Variants in GRIK2 observed in about 807,000 individuals in gnomAD.
The protein encoded by GRIK2 is glutamate receptor ionotropic, kainate 2.
A neutral mutation model predicts 100.3 loss-of-function variants in GRIK2; 32 were observed. The observed-to-expected ratio is 0.32, with a 90% CI of 0.24 to 0.43. GRIK2 has a LOEUF of 0.43. Ranked by LOEUF, GRIK2 falls within the 20% of genes least tolerant of loss-of-function variation. The pLI is 1.00. For missense variants in GRIK2, 843 were observed against 1,114.9 expected (o/e 0.76, Z 3.47); for synonymous variants, 417 against 389.4 (o/e 1.07, Z -0.83).
intron 2 of GRIK2, among the ~76,000 whole-genome samples, chr6:101,455,969 C>G (rs954181401): frequency 2.0e-5 from 3 of 151,696 alleles, no homozygotes; most frequent in Non-Finnish European, 4.4e-5. Flanking sequence ...GTAGTTTTTC[C>G]AGAATTGAGA....
At chr6:101,917,232 T>C (rs1386496987) in intron 12 of GRIK2, among the ~76,000 whole-genome samples, 1 of 151,648 alleles carries the variant, frequency 6.6e-6, no homozygotes, top group Non-Finnish European at 1.5e-5. Context: ...CTAAAAATAC[T>C]CTCTCATTTC....
At position 101,520,550 on chromosome 6, in the gene GRIK2, T is replaced by C. The variant is rs1349843219; in HGVS notation, c.116-101399T>C. ...TAAGGAATAGAGAACAATCAAAACA[T>C]TGGTTGTTTTATGTTTTTAAAGCTC... On this transcript the variant is annotated intron_variant, in intron 2 of 16. Transcript: ENST00000369134. Among the ~76,000 whole-genome samples the C allele has an allele frequency of 5.9e-5, 9 of 151,988 alleles. No homozygotes were observed. In the East Asian group the frequency reaches 1.5e-3, roughly 26 times the overall value.
Position 101,889,868 on chromosome 6 carries a change from C to T in GRIK2, c.1748+5C>T, listed in dbSNP as rs745911110. The T allele has an allele frequency of 1.9e-6, 3 of 1,570,958 alleles. No individual in the cohort carries two copies. The highest frequency in any genetic ancestry group is 1.8e-6 in the Non-Finnish European group (2 of 1,141,388). On this transcript the variant is annotated splice_donor_5th_base_variant and intron_variant, in intron 12 of 16. Transcript: ENST00000369134. ...TGTGCTCTTTGTCATAGCCAGGTAA[C>T]ATGCTCACTTTTGTGATTTTTTTGG...
At chr6:101,836,951 A>T (rs1783165564) in intron 10 of GRIK2, among the ~76,000 whole-genome samples, 1 of 151,990 alleles carries the variant, frequency 6.6e-6, no homozygotes, top group Non-Finnish European at 1.5e-5. Context: ...GGTGTGAGCC[A>T]CCATGCCTGG....
Position 101,764,983 on chromosome 6 carries a change from A to G in GRIK2, c.952-34665A>G, listed in dbSNP as rs190766543. 5.9e-5 allele frequency among the ~76,000 whole-genome samples: 9 copies of G among 151,956 alleles called. No individual in the cohort carries two copies. In the South Asian group the frequency reaches 1.9e-3, roughly 32 times the overall value. On this transcript the variant is annotated intron_variant, in intron 7 of 16. Coordinates refer to ENST00000369134, the MANE Select transcript of GRIK2 (RefSeq NM_021956.5). ...CCTCATCCATTATCACTGCAAATCCACACCTTCACTGGTGCTTCATCTATG... is the reference window on the plus strand; with the variant it reads ...CCTCATCCATTATCACTGCAAATCCGCACCTTCACTGGTGCTTCATCTATG...
intron 14 of GRIK2, among the ~76,000 whole-genome samples, chr6:102,004,266 C>T (rs953495395): frequency 6.8e-6 from 1 of 146,890 alleles, no homozygotes. Flanking sequence ...CTTATATATC[C>T]ATTTTTTTTC....
At chr6:101,500,636 G>T (rs567518877) in intron 2 of GRIK2, among the ~76,000 whole-genome samples, 1 of 152,106 alleles carries the variant, frequency 6.6e-6, no homozygotes, top group African/African-American at 2.4e-5. Flanking sequence ...TTTCTTGGTA[G>T]TACCCTTGTC....
chr6:101,659,835 A>T (rs1478457792), intron 4 of GRIK2, among the ~76,000 whole-genome samples: 1 of 152,194 alleles, frequency 6.6e-6, no homozygotes, highest in Non-Finnish European at 1.5e-5. Context: ...CTGAAGAGAG[A>T]TACACTGTTA....
At chr6:101,809,931 A>T (rs1239237992) in intron 9 of GRIK2, among the ~76,000 whole-genome samples, 1 of 152,006 alleles carries the variant, frequency 6.6e-6, no homozygotes, top group Non-Finnish European at 1.5e-5. Flanking sequence ...ACTATTTATG[A>T]ATGATGTTTA....
chr6:102,021,543 T>C (rs1457080429), intron 14 of GRIK2, among the ~76,000 whole-genome samples: 2 of 151,672 alleles, frequency 1.3e-5, no homozygotes, highest in African/African-American at 4.8e-5. Flanking sequence ...GTTTGCTAAT[T>C]AATATTTGAA....
intron 7 of GRIK2, among the ~76,000 whole-genome samples, chr6:101,742,204 G>A (rs545216628): frequency 6.6e-6 from 1 of 152,340 alleles, no homozygotes; most frequent in South Asian, 2.1e-4. Context: ...GGCCTGGTGT[G>A]CCTGTTACGC....
intron 14 of GRIK2, among the ~76,000 whole-genome samples, chr6:101,966,194 A>G (rs1437035633): frequency 6.6e-6 from 1 of 152,132 alleles, no homozygotes; most frequent in Non-Finnish European, 1.5e-5. Flanking sequence ...ATTCTCCCCT[A>G]TGAAACAATG....
chr6:101,906,837 C>G (rs1201736935), intron 12 of GRIK2, among the ~76,000 whole-genome samples: 1 of 151,768 alleles, frequency 6.6e-6, no homozygotes, highest in African/African-American at 2.4e-5. Flanking sequence ...AAATACTGGT[C>G]CGCACTAGAG....
intron 2 of GRIK2, among the ~76,000 whole-genome samples, chr6:101,524,186 G>A (rs1390874881): frequency 2.6e-5 from 4 of 152,142 alleles, no homozygotes; most frequent in African/African-American, 7.2e-5. Flanking sequence ...TAAATTTGAA[G>A]CTTTATGTTG....
chr6:101,782,221 T>C (rs1448711930), intron 7 of GRIK2, among the ~76,000 whole-genome samples: 2 of 152,196 alleles, frequency 1.3e-5, no homozygotes, highest in Non-Finnish European at 2.9e-5. Flanking sequence ...TCCTCTCTTC[T>C]AGCTATTTTA....
intron 7 of GRIK2, among the ~76,000 whole-genome samples, chr6:101,701,365 CA>C (rs1357660100): frequency 3.3e-5 from 5 of 152,140 alleles, no homozygotes; most frequent in South Asian, 4.2e-4. Context: ...GTACCTGTGT[CA>C]GGGGTCTTAC....
intron 9 of GRIK2, among the ~76,000 whole-genome samples, chr6:101,811,877 A>G (rs1229541893): frequency 6.6e-6 from 1 of 151,764 alleles, no homozygotes; most frequent in Non-Finnish European, 1.5e-5. Context: ...TAATAAGATA[A>G]ATAATTTAAA....
At chr6:101,888,950 C>A (rs1431501409) in intron 11 of GRIK2, among the ~76,000 whole-genome samples, 3 of 151,982 alleles carry the variant, frequency 2.0e-5, no homozygotes, top group Non-Finnish European at 4.4e-5. Context: ...ATTACTAATT[C>A]AACATATTTA....
At chr6:102,045,439 G>A (rs1770833686) in intron 15 of GRIK2, among the ~76,000 whole-genome samples, 2 of 151,634 alleles carry the variant, frequency 1.3e-5, no homozygotes, top group African/African-American at 4.9e-5. Context: ...AAAAGATAGT[G>A]AGAGCATCTC....
Sources: allele counts gnomAD v4.1 joint callset (sites outside exome capture counted in the v4.1 genomes callset), GRCh38; gene constraint gnomAD v4.1.1; transcripts MANE v1.5; gene names NCBI Gene and HGNC (gene_info 2026-07-23, HGNC 2026-07-21).